Variants in TTC34 observed in about 807,000 individuals in gnomAD.
TTC34 encodes tetratricopeptide repeat domain 34.
TTC34 carries 44 observed loss-of-function variants against 40.7 expected under a neutral mutation model. The observed-to-expected ratio is 1.08, with a 90% CI of 0.85 to 1.39. TTC34 has a LOEUF of 1.39. TTC34 is among the 40% of genes most tolerant of loss of function. The probability of loss-of-function intolerance (pLI) is 0.00; values close to 1 mark genes in which losing one functional copy is unlikely to be tolerated. For synonymous variants in TTC34, 422 were observed against 398.6 expected (o/e 1.06, Z -0.70); for missense variants, 884 against 838.0 (o/e 1.05, Z -0.68).
intron 6 of TTC34, among the ~76,000 whole-genome samples, chr1:2,687,769 T>G (rs74471987): frequency 5.7e-4 from 63 of 109,900 alleles, no homozygotes; most frequent in Non-Finnish European, 7.3e-4. Flanking sequence ...ACCCACACCC[T>G]GAGGCGAGCA....
intron 6 of TTC34, among the ~76,000 whole-genome samples, chr1:2,685,722 C>G (rs1286517933): frequency 7.6e-5 from 11 of 144,150 alleles, no homozygotes; most frequent in Non-Finnish European, 9.1e-5. Flanking sequence ...CCCACACCCC[C>G]AGGTGCGCAT....
chr1:2,775,716 GGTAA>G, intron 6 of TTC34: 1 of 147,370 alleles, frequency 6.8e-6, no homozygotes, highest in Admixed American at 6.6e-5. Context: ...CACATCCCCA[GGTAA>G]GTGTCTGACA....
At chr1:2,694,870 A>T (rs1640786984) in intron 6 of TTC34, among the ~76,000 whole-genome samples, 1 of 108,278 alleles carries the variant, frequency 9.2e-6, no homozygotes, top group Non-Finnish European at 2.0e-5. Flanking sequence ...CAGCACCCAC[A>T]ACCACAGGTG....
intron 6 of TTC34, among the ~76,000 whole-genome samples, chr1:2,765,749 C>T (rs1466760798): frequency 2.3e-4 from 11 of 47,588 alleles, no homozygotes; most frequent in Admixed American, 6.8e-4. Context: ...TGGAGCAGCG[C>T]CCACACCCCC....
At chr1:2,680,699 G>A (rs1378958796) in intron 6 of TTC34, among the ~76,000 whole-genome samples, 9 of 23,204 alleles carry the variant, frequency 3.9e-4, no homozygotes, top group Admixed American at 9.4e-4. Context: ...ACAGCACCCT[G>A]CACCCCCAGG....
chr1:2,780,857 G>A (rs1024626614), intron 6 of TTC34, among the ~76,000 whole-genome samples: 2 of 152,030 alleles, frequency 1.3e-5, no homozygotes, highest in Non-Finnish European at 2.9e-5. Context: ...TAATACTGAC[G>A]TCTTACCAAC....
intron 6 of TTC34, among the ~76,000 whole-genome samples, chr1:2,777,389 T>C (rs1194526488): frequency 6.7e-6 from 1 of 149,120 alleles, no homozygotes; most frequent in African/African-American, 2.5e-5. Context: ...CAGGGGAGCA[T>C]CTGACAGCCT....
At chr1:2,752,791 A>G (rs1160578999) in intron 6 of TTC34, among the ~76,000 whole-genome samples, 13 of 127,060 alleles carry the variant, frequency 1.0e-4, no homozygotes, top group African/African-American at 3.9e-4. Flanking sequence ...TAAGCATGTG[A>G]CAGCCTGGAA....
chr1:2,756,085 G>C (rs1309363961), intron 6 of TTC34, among the ~76,000 whole-genome samples: 3 of 71,572 alleles, frequency 4.2e-5, no homozygotes, highest in Non-Finnish European at 7.1e-5. Flanking sequence ...GCATCTGACA[G>C]CGTGGAACAG....
intron 6 of TTC34, among the ~76,000 whole-genome samples, chr1:2,683,142 C>G (rs1305212959): frequency 7.5e-6 from 1 of 132,596 alleles, no homozygotes; most frequent in Admixed American, 7.5e-5. Flanking sequence ...CCTGGAACAG[C>G]ACGCACAGCC....
At chr1:2,660,826 C>T (rs1320369590) in intron 6 of TTC34, among the ~76,000 whole-genome samples, 1 of 62,834 alleles carries the variant, frequency 1.6e-5, no homozygotes, top group Non-Finnish European at 3.1e-5. Context: ...GGAACAGCAC[C>T]CACATCCCCA....
chr1:2,698,228 A>C (rs367792917), intron 6 of TTC34, among the ~76,000 whole-genome samples: 309 of 18,488 alleles, frequency 0.017, no homozygotes, highest in Middle Eastern at 0.062. Context: ...ATCTGACAGC[A>C]TGTAACAGCA....
chr1:2,683,701 A>G (rs372333592), intron 6 of TTC34, among the ~76,000 whole-genome samples: 18 of 122,956 alleles, frequency 1.5e-4, no homozygotes, highest in African/African-American at 6.2e-4. Flanking sequence ...ACAGCCTGGA[A>G]CAGCACCCAC....
intron 3 of TTC34, among the ~76,000 whole-genome samples, chr1:2,788,897 G>C (rs973702201): frequency 6.6e-6 from 1 of 152,146 alleles, no homozygotes; most frequent in Admixed American, 6.5e-5. Flanking sequence ...TTCGAGACCA[G>C]CCTGGCCACC....
chr1:2,649,511 C>T (rs903261647), intron 6 of TTC34, among the ~76,000 whole-genome samples: 4 of 151,500 alleles, frequency 2.6e-5, no homozygotes, highest in African/African-American at 9.7e-5. Context: ...CAGCCTGGAA[C>T]AGCACCCTTC....
At chr1:2,657,411 G>GCACCCCA in intron 6 of TTC34, among the ~76,000 whole-genome samples, 1 of 91,104 alleles carries the variant, frequency 1.1e-5, no homozygotes, top group Middle Eastern at 6.8e-3. Context: ...TCCCGGAGCA[G>GCACCCCA]TACCAGTACC....
intron 6 of TTC34, among the ~76,000 whole-genome samples, chr1:2,683,886 A>G (rs1351842095): frequency 6.6e-6 from 1 of 151,316 alleles, no homozygotes; most frequent in Admixed American, 6.6e-5. Context: ...CGAGGCGAGC[A>G]TCTGACAGCC....
chr1:2,699,451 C>CAT (rs1641025967), intron 6 of TTC34, among the ~76,000 whole-genome samples: 1 of 116,050 alleles, frequency 8.6e-6, no homozygotes, highest in Non-Finnish European at 2.0e-5. Flanking sequence ...CATCACCCCG[C>CAT]ACCCACAGGC....
intron 6 of TTC34, among the ~76,000 whole-genome samples, chr1:2,765,684 G>T (rs1442621618): frequency 3.0e-5 from 1 of 33,464 alleles, no homozygotes; most frequent in African/African-American, 4.2e-4. Flanking sequence ...ACCCCCAGGC[G>T]AGCATCTGAC....
Sources: gnomAD v4.1 joint callset for allele counts (sites outside exome capture counted in the v4.1 genomes callset) on GRCh38, gnomAD v4.1.1 for gene constraint, MANE v1.5 for transcripts, NCBI Gene and HGNC (gene_info 2026-07-23, HGNC 2026-07-21) for gene names.